The following ERBB4 variants were observed in gnomAD, a reference collection of about 807,000 sequenced individuals.
The protein encoded by ERBB4 is receptor tyrosine-protein kinase erbB-4.
A neutral mutation model predicts 158.0 loss-of-function variants in ERBB4; 42 were observed. The ratio of observed to expected loss-of-function variants is 0.27; its 90% CI spans 0.21 to 0.34. The LOEUF is 0.34. ERBB4 is among the 10% of genes least tolerant of loss of function. The pLI is 1.00. For missense variants in ERBB4, 1,333 were observed against 1,624.1 expected (o/e 0.82, Z 3.08); for synonymous variants, 583 against 558.7 (o/e 1.04, Z -0.61).
chr2:212,425,774 T>G (rs2091899900), intron 1 of ERBB4, among the ~76,000 whole-genome samples: 1 of 151,982 alleles, frequency 6.6e-6, no homozygotes, highest in Non-Finnish European at 1.5e-5. Flanking sequence ...TCACTGTCCT[T>G]GCTTCATTCT....
At chr2:212,161,319 T>C (rs903042163) in intron 1 of ERBB4, among the ~76,000 whole-genome samples, 1 of 151,890 alleles carries the variant, frequency 6.6e-6, no homozygotes, top group Non-Finnish European at 1.5e-5. Context: ...CATACTAACA[T>C]AATTAACTTT....
Position 211,947,515 on chromosome 2 carries a change from C to T in ERBB4, c.336G>A (p.Glu112=), listed in dbSNP as rs750215907. The change falls in exon 3 of 28, where the codon GAG becomes GAA. Residue 112 remains glutamate (E), a synonymous_variant. Transcript: ENST00000342788. ...LRIIRGTKLY[E]DRYALAIFLN... ...AAAATATTGCCAAGGCATATCGATC[C>T]TCATAAAGTTTTGTCCCACGAATAA... The T allele has an allele frequency of 1.5e-5, 25 of 1,613,670 alleles. No individual in the cohort carries two copies. The East Asian group carries it at 4.5e-4, about 29-fold the overall frequency.
At chr2:212,333,752 TGCAGG>T (rs1450100151) in intron 1 of ERBB4, among the ~76,000 whole-genome samples, 3 of 151,896 alleles carry the variant, frequency 2.0e-5, no homozygotes, top group Non-Finnish European at 4.4e-5. Context: ...AACCCTAGTT[TGCAGG>T]GATGGAGGAA....
At chr2:211,871,086 C>G (rs1308486033) in intron 3 of ERBB4, among the ~76,000 whole-genome samples, 1 of 152,054 alleles carries the variant, frequency 6.6e-6, no homozygotes, top group African/African-American at 2.4e-5. Context: ...TATCATCAGG[C>G]AAGAAGTAAA....
chr2:211,827,729 A>G (rs1463043921), intron 3 of ERBB4, among the ~76,000 whole-genome samples: 1 of 152,072 alleles, frequency 6.6e-6, no homozygotes. Context: ...TCTAGACTTT[A>G]TATGTATATA....
intron 1 of ERBB4, among the ~76,000 whole-genome samples, chr2:212,202,974 A>G (rs1371559041): frequency 6.6e-6 from 1 of 151,610 alleles, no homozygotes; most frequent in Non-Finnish European, 1.5e-5. Context: ...TTTATGTAAT[A>G]TATGTTATAT....
intron 20 of ERBB4, among the ~76,000 whole-genome samples, chr2:211,495,823 TTAA>T (rs2065454673): frequency 6.6e-6 from 1 of 152,132 alleles, no homozygotes; most frequent in East Asian, 1.9e-4. Flanking sequence ...ATATACAGTA[TTAA>T]TAATTATTAT....
rs777495826 is a variant in ERBB4, at chr2:211,713,596, C to A, written c.936G>T (p.Lys312Asn). The change falls in exon 8 of 28, where the codon AAG becomes AAT. Residue 312 changes from lysine (K) to asparagine (N), a missense_variant. By Grantham distance (94) the Lys-to-Asn change is moderately conservative. Transcript: ENST00000342788. ...TAATCCCATTTTCTTCTACTTCCATCTTGGAACTAGGGCAGGCACGCACAC... is the reference window on the plus strand; with the variant it reads ...TAATCCCATTTTCTTCTACTTCCATATTGGAACTAGGGCAGGCACGCACAC... Reference protein sequence around the residue: ...SSCVRACPSSKMEVEENGIKM... With the variant: ...SSCVRACPSSNMEVEENGIKM... 1 of 1,612,466 alleles carries A rather than the reference C, an allele frequency of 6.2e-7. No homozygotes were observed.
chr2:211,713,655 A>G lies in ERBB4; in HGVS notation c.884-7T>C, dbSNP rs74499552. On this transcript the variant is annotated splice_region_variant and splice_polypyrimidine_tract_variant and intron_variant, in intron 7 of 27. Transcript: ENST00000342788. Reference sequence around the variant, plus strand: ...GAATCTACCACAAAGTTATCTGATTAAAAAAAAAAAAAAGGTAAAATAAGC... The same window carrying G: ...GAATCTACCACAAAGTTATCTGATTGAAAAAAAAAAAAAGGTAAAATAAGC... 5.6e-6 allele frequency: 1 copy of G among 177,160 alleles called. No individual in the cohort carries two copies. The highest frequency in any genetic ancestry group is 8.7e-6 in the Non-Finnish European group (1 of 114,296). 11.0% of individuals were successfully genotyped at this position (177,160 alleles called of 1,614,324 possible).
chr2:212,239,662 T>G (rs2084010855), intron 1 of ERBB4, among the ~76,000 whole-genome samples: 1 of 152,208 alleles, frequency 6.6e-6, no homozygotes, highest in Non-Finnish European at 1.5e-5. Flanking sequence ...GAGGATTGCT[T>G]TTATTCATAA....
chr2:211,439,391 G>T (rs747935523), intron 20 of ERBB4, among the ~76,000 whole-genome samples: 18 of 152,126 alleles, frequency 1.2e-4, no homozygotes, highest in Non-Finnish European at 2.1e-4. Flanking sequence ...AATTAAAGAG[G>T]CTTGTTTAAA....
chr2:211,992,483 G>A (rs1276744289), intron 2 of ERBB4, among the ~76,000 whole-genome samples: 3 of 149,330 alleles, frequency 2.0e-5, no homozygotes, highest in African/African-American at 7.4e-5. Flanking sequence ...TTTGAATGGA[G>A]ACACAGCCAA....
At chr2:212,517,494 C>G (rs1471408023) in intron 1 of ERBB4, among the ~76,000 whole-genome samples, 1 of 152,074 alleles carries the variant, frequency 6.6e-6, no homozygotes, top group Non-Finnish European at 1.5e-5. Context: ...TATCCCAATA[C>G]TTAGAGTACA....
chr2:211,668,562 G>C (rs2071713767), intron 14 of ERBB4, among the ~76,000 whole-genome samples: 1 of 151,978 alleles, frequency 6.6e-6, no homozygotes, highest in African/African-American at 2.4e-5. Flanking sequence ...GACAACTAAA[G>C]GATAGGCTGA....
rs573967019 is a variant in ERBB4, at chr2:211,600,517, G to A, written c.2301+18660C>T. Among the ~76,000 whole-genome samples the A allele has an allele frequency of 6.6e-5, 10 of 152,254 alleles. 1 individual carries two copies. The South Asian group carries it at 1.2e-3, about 19-fold the overall frequency. On this transcript the variant is annotated intron_variant, in intron 19 of 27. Transcript: ENST00000342788. ...TATAAAAACTAAGAAATTTAGTAGC[G>A]CAGATGGTGAAGTTGAAAGGTAGGA...
intron 1 of ERBB4, among the ~76,000 whole-genome samples, chr2:212,464,661 T>C (rs924568257): frequency 6.6e-6 from 1 of 152,228 alleles, no homozygotes; most frequent in Admixed American, 6.5e-5. Context: ...GTACATTATA[T>C]ATTTTAAGCA....
intron 1 of ERBB4, among the ~76,000 whole-genome samples, chr2:212,245,114 A>G (rs1437696001): frequency 1.3e-5 from 2 of 152,172 alleles, no homozygotes; most frequent in Non-Finnish European, 2.9e-5. Flanking sequence ...CAGTGTGTAT[A>G]TTATCTTTTC....
chr2:212,497,013 C>T (rs948884346), intron 1 of ERBB4, among the ~76,000 whole-genome samples: 5 of 151,816 alleles, frequency 3.3e-5, no homozygotes, highest in African/African-American at 1.2e-4. Context: ...AATCCTGTCT[C>T]TACTAAAAAA....
Position 212,393,072 on chromosome 2 carries a change from C to T in ERBB4, c.82+145377G>A, listed in dbSNP as rs369319512. Among the ~76,000 whole-genome samples, 9 of 152,170 alleles carry T rather than the reference C, an allele frequency of 5.9e-5. No individual in the cohort carries two copies. In the East Asian group the frequency reaches 1.2e-3, roughly 20 times the overall value. On this transcript the variant is annotated intron_variant, in intron 1 of 27. Coordinates refer to ENST00000342788, the MANE Select transcript of ERBB4 (RefSeq NM_005235.3). ...AAATTGGCATGGCTCAAATCCCTTG[C>T]ATTTTCTTTTTTCTACCATTAAATA...
Sources: gnomAD v4.1 joint callset for allele counts (sites outside exome capture counted in the v4.1 genomes callset) on GRCh38, gnomAD v4.1.1 for gene constraint, MANE v1.5 for transcripts, NCBI Gene and HGNC (gene_info 2026-07-23, HGNC 2026-07-21) for gene names.